STK10: variants seen among roughly 807,000 people sequenced by gnomAD.
The protein encoded by STK10 is serine/threonine-protein kinase 10.
A neutral mutation model predicts 113.8 loss-of-function variants in STK10; 78 were observed. The observed-to-expected ratio is 0.69, with a 90% CI of 0.57 to 0.83. STK10 has a LOEUF of 0.83. Among genes scored for constraint, STK10 ranks in the 40% least tolerant of loss-of-function variants. STK10 has a pLI of 0.00. For missense variants in STK10, 1,109 were observed against 1,280.1 expected, an observed-to-expected ratio of 0.87 and a Z score of 2.04; for synonymous variants, 465 against 494.7, an observed-to-expected ratio of 0.94 and a Z score of 0.80.
At chr5:172,076,101 G>A (rs1340615519) in intron 12 of STK10, among the ~76,000 whole-genome samples, 2 of 151,920 alleles carry the variant, frequency 1.3e-5, no homozygotes, top group Non-Finnish European at 2.9e-5. Context: ...TGCAACTTCA[G>A]CACTACTGAC....
At chr5:172,181,856 C>G (rs1450901997) in intron 1 of STK10, among the ~76,000 whole-genome samples, 2 of 151,672 alleles carry the variant, frequency 1.3e-5, no homozygotes, top group African/African-American at 4.8e-5. Context: ...TGATTAGAAC[C>G]AAGCAGGAAA....
rs181335379 is a variant in STK10, at chr5:172,148,311, G to A, written c.321+8313C>T. ...GAGGGTGTGAGTGACAGGGTGGGGG[G>A]CAGAGGGAAGCAGGGCTGGGAGGTG... On this transcript the variant is annotated intron_variant, in intron 2 of 18. Coordinates refer to ENST00000176763, the MANE Select transcript of STK10 (RefSeq NM_005990.4). Among the ~76,000 whole-genome samples the A allele has an allele frequency of 3.9e-5, 6 of 152,202 alleles. No homozygotes were observed. The East Asian group carries it at 9.7e-4, about 25-fold the overall frequency.
chr5:172,119,742 T>C lies in STK10; in HGVS notation c.371-2112A>G, dbSNP rs1007140376. ...AGCCGGGCGTAGTGGCGGGCGCCTGTAGTCCCAGCTACTCGGGAGGCTGAG... is the reference window on the plus strand; with the variant it reads ...AGCCGGGCGTAGTGGCGGGCGCCTGCAGTCCCAGCTACTCGGGAGGCTGAG... On this transcript the variant is annotated intron_variant, in intron 3 of 18. Coordinates refer to ENST00000176763, the MANE Select transcript of STK10 (RefSeq NM_005990.4). 9.0e-4 allele frequency among the ~76,000 whole-genome samples: 131 copies of C among 144,822 alleles called. 2 individuals carry two copies. The highest frequency in any genetic ancestry group is 9.1e-5 in the Non-Finnish European group (6 of 65,984).
chr5:172,085,701 AAG>A (rs1415193562), intron 10 of STK10, among the ~76,000 whole-genome samples: 1 of 145,808 alleles, frequency 6.9e-6, no homozygotes, highest in Non-Finnish European at 1.5e-5. Flanking sequence ...AAAAAAAAAA[AAG>A]AGAGAGAAAA....
intron 15 of STK10, 97 bp from the exon 16 acceptor site, chr5:172,055,873 G>A: frequency 9.5e-7 from 1 of 1,050,134 alleles, no homozygotes; most frequent in Non-Finnish European, 1.3e-6. Context: ...CAGGGGCCCA[G>A]GACCAACGCA....
At position 172,073,984 on chromosome 5, in the gene STK10, A is replaced by AATG. The variant is rs550976050; in HGVS notation, c.1989+8341_1989+8342insCAT. The stretch of plus-strand genomic sequence containing the variant: ...TGTCTCAAATAATAATAATAATAAT[A>AATG]ATAATTCGAATATAAATATAAAATA... On this transcript the variant is annotated intron_variant, in intron 12 of 18. Coordinates refer to ENST00000176763, the MANE Select transcript of STK10 (RefSeq NM_005990.4). Among the ~76,000 whole-genome samples the AATG allele has an allele frequency of 2.9e-3, 435 of 150,974 alleles. 1 individual carries two copies. Among genetic ancestry groups the AATG allele is most frequent in the African/African-American group, 0.01 (414 of 41,246 alleles).
At chr5:172,186,604 A>G (rs1005269185) in intron 1 of STK10, among the ~76,000 whole-genome samples, 3 of 151,728 alleles carry the variant, frequency 2.0e-5, no homozygotes, top group African/African-American at 7.3e-5. Flanking sequence ...ACTGAGCAAC[A>G]GAGGGAAACC....
chr5:172,078,901 T>C (rs1768370008), intron 12 of STK10, among the ~76,000 whole-genome samples: 1 of 151,308 alleles, frequency 6.6e-6, no homozygotes. Flanking sequence ...CCTCCTAAAC[T>C]AGGCAACTTC....
At chr5:172,141,405 C>T (rs764320003) in intron 2 of STK10, among the ~76,000 whole-genome samples, 3 of 151,368 alleles carry the variant, frequency 2.0e-5, no homozygotes, top group East Asian at 1.9e-4. Flanking sequence ...AGTGAGACCT[C>T]GTATCTACAA....
At chr5:172,119,678 A>G (rs7707081) in intron 3 of STK10, among the ~76,000 whole-genome samples, 14 of 149,978 alleles carry the variant, frequency 9.3e-5, no homozygotes, top group Non-Finnish European at 2.1e-4. Context: ...TCCTGGCTAA[A>G]ACGGTGAAAC....
chr5:172,046,792 G>A (rs1187661790), intron 18 of STK10, among the ~76,000 whole-genome samples: 2 of 152,186 alleles, frequency 1.3e-5, no homozygotes, highest in Non-Finnish European at 2.9e-5. Context: ...GTAAATGAAC[G>A]AGCATGGCTG....
At chr5:172,156,099 A>G (rs2113817131) in intron 2 of STK10, among the ~76,000 whole-genome samples, 1 of 152,338 alleles carries the variant, frequency 6.6e-6, no homozygotes, top group South Asian at 2.1e-4. Flanking sequence ...GGGCTGGTAA[A>G]GAGCCCCCTT....
chr5:172,177,549 G>A (rs972035356), intron 1 of STK10, among the ~76,000 whole-genome samples: 16 of 152,152 alleles, frequency 1.1e-4, no homozygotes, highest in Non-Finnish European at 5.9e-5. Context: ...TGTCACTATC[G>A]AGCACCTGAC....
At chr5:172,063,048 G>A (rs887076480) in intron 13 of STK10, among the ~76,000 whole-genome samples, 2 of 152,170 alleles carry the variant, frequency 1.3e-5, no homozygotes, top group African/African-American at 4.8e-5. Flanking sequence ...TCAGGAGTTC[G>A]AGACCAGCCT....
At chr5:172,169,745 T>G (rs1770632375) in intron 1 of STK10, among the ~76,000 whole-genome samples, 2 of 152,134 alleles carry the variant, frequency 1.3e-5, no homozygotes, top group Admixed American at 1.3e-4. Flanking sequence ...CTGTAGCCAA[T>G]AAAGTTATTG....
At chr5:172,088,556 T>A (rs573075205) in intron 10 of STK10, among the ~76,000 whole-genome samples, 22 of 152,268 alleles carry the variant, frequency 1.4e-4, no homozygotes, top group Admixed American at 3.3e-4. Context: ...ATTAAAAAAA[T>A]TTTAATTCAC....
In STK10 at chr5:172,159,068, G is replaced by A. The variant is rs1018670602; in HGVS notation, c.157-2280C>T. On this transcript the variant is annotated intron_variant, in intron 1 of 18. Coordinates refer to ENST00000176763, the MANE Select transcript of STK10 (RefSeq NM_005990.4). ...CTGTATATTTTACCACAATTCAAAA[G>A]AGAGAGAAATAATCATGTAAATGGA... Among the ~76,000 whole-genome samples the A allele has an allele frequency of 2.0e-5, 3 of 152,172 alleles. No individual in the cohort carries two copies. In the South Asian group the frequency reaches 6.2e-4, roughly 32 times the overall value.
intron 1 of STK10, among the ~76,000 whole-genome samples, chr5:172,160,554 C>G (rs34199172): frequency 3.9e-5 from 6 of 152,028 alleles, no homozygotes; most frequent in Non-Finnish European, 7.4e-5. Context: ...ACAGGGAAAA[C>G]GAGCTCCTCT....
rs751172000 is a variant in STK10, at chr5:172,181,267, T to C, written c.156+6620A>G. Among the ~76,000 whole-genome samples the C allele has an allele frequency of 2.6e-5, 4 of 152,192 alleles. No homozygotes were observed. In the South Asian group the frequency reaches 8.3e-4, roughly 31 times the overall value. On this transcript the variant is annotated intron_variant, in intron 1 of 18. Coordinates refer to ENST00000176763, the MANE Select transcript of STK10 (RefSeq NM_005990.4). ...TCTCCACGTAACTTGCGTAAAACTG[T>C]ACTACTGGATTTTAGATTCTGAACT...
Sources: allele counts gnomAD v4.1 joint callset (sites outside exome capture counted in the v4.1 genomes callset), GRCh38; gene constraint gnomAD v4.1.1; transcripts MANE v1.5; gene names NCBI Gene and HGNC (gene_info 2026-07-23, HGNC 2026-07-21).